LRRTM4: variants seen among roughly 807,000 people sequenced by gnomAD.
LRRTM4 encodes the protein leucine rich repeat transmembrane neuronal 4, also known as leucine-rich repeat transmembrane neuronal protein 4.
In LRRTM4, 25 loss-of-function variants were observed where a neutral mutation model predicts 47.6. That is an observed-to-expected ratio of 0.53 (90% confidence interval 0.38 to 0.73). The LOEUF (loss-of-function observed/expected upper bound fraction) is 0.73. Ranked by LOEUF, LRRTM4 falls within the 30% of genes least tolerant of loss-of-function variation. LRRTM4 has a pLI of 0.00. For synonymous variants in LRRTM4, 311 were observed against 269.5 expected (o/e 1.15, Z -1.51); for missense variants, 638 against 713.4 (o/e 0.89, Z 1.20).
chr2:77,456,999 TG>T (rs1676574504), intron 3 of LRRTM4, among the ~76,000 whole-genome samples: 4 of 36,994 alleles, frequency 1.1e-4, no homozygotes, highest in African/African-American at 4.7e-4. Flanking sequence ...TGTATGTGTG[TG>T]TGTGTATATA....
At chr2:77,116,819 T>C (rs1671400477) in intron 3 of LRRTM4, among the ~76,000 whole-genome samples, 1 of 152,154 alleles carries the variant, frequency 6.6e-6, no homozygotes, top group Non-Finnish European at 1.5e-5. Context: ...ACATATATAA[T>C]TTGTCCATTT....
At chr2:77,267,382 G>A (rs1299548335) in intron 3 of LRRTM4, among the ~76,000 whole-genome samples, 1 of 152,116 alleles carries the variant, frequency 6.6e-6, no homozygotes, top group Non-Finnish European at 1.5e-5. Flanking sequence ...GTTAGGTCTT[G>A]GTCTTTGCTT....
At chr2:77,448,799 C>T (rs367906933) in intron 3 of LRRTM4, among the ~76,000 whole-genome samples, 36 of 152,052 alleles carry the variant, frequency 2.4e-4, no homozygotes, top group African/African-American at 7.0e-4. Flanking sequence ...ATTGTTTCCG[C>T]GTGTACCTAA....
chr2:77,162,051 G>T (rs1013692223), intron 3 of LRRTM4, among the ~76,000 whole-genome samples: 1 of 151,828 alleles, frequency 6.6e-6, no homozygotes, highest in Non-Finnish European at 1.5e-5. Context: ...AGCCCACAGA[G>T]CGGGAATTCC....
At chr2:76,894,199 T>C (rs983507936) in intron 3 of LRRTM4, among the ~76,000 whole-genome samples, 3 of 151,988 alleles carry the variant, frequency 2.0e-5, no homozygotes, top group African/African-American at 7.2e-5. Flanking sequence ...ATGCAGTAGT[T>C]TCCCTCAGAA....
At chr2:77,350,410 G>T (rs947784034) in intron 3 of LRRTM4, among the ~76,000 whole-genome samples, 1 of 136,238 alleles carries the variant, frequency 7.3e-6, no homozygotes, top group Non-Finnish European at 1.6e-5. Flanking sequence ...AGAAAAAATT[G>T]ATAAAAATTA....
intron 3 of LRRTM4, among the ~76,000 whole-genome samples, chr2:76,776,581 C>T (rs960904904): frequency 7.9e-5 from 12 of 152,304 alleles, no homozygotes; most frequent in Admixed American, 2.0e-4. Context: ...TGTTCATGAC[C>T]TTTGCCCACT....
At chr2:77,361,644 A>G (rs1257364371) in intron 3 of LRRTM4, among the ~76,000 whole-genome samples, 1 of 152,232 alleles carries the variant, frequency 6.6e-6, no homozygotes, top group East Asian at 1.9e-4. Context: ...TGCCTGGTAT[A>G]AACTAGCTAT....
intron 2 of LRRTM4, 144 bp from the exon 3 acceptor site, chr2:77,520,008 T>G: frequency 7.4e-7 from 1 of 1,353,226 alleles, no homozygotes; most frequent in Non-Finnish European, 9.7e-7. Context: ...TCGAGCATTA[T>G]TTTCTTCAGT....
At chr2:77,403,623 C>T (rs1463989205) in intron 3 of LRRTM4, among the ~76,000 whole-genome samples, 1 of 151,820 alleles carries the variant, frequency 6.6e-6, no homozygotes, top group Non-Finnish European at 1.5e-5. Flanking sequence ...TTTCTAACTT[C>T]TCAGCATTGG....
At position 77,518,529 on chromosome 2, in the gene LRRTM4, C is replaced by T. The variant is rs1322555549; in HGVS notation, c.1340G>A (p.Trp447Ter). Reference sequence around the variant, plus strand: ...TTTCATGCTGGCTGGGTAGCGTTTCCAAGACACATAGATCACCAAGAGGAT... The same window carrying T: ...TTTCATGCTGGCTGGGTAGCGTTTCTAAGACACATAGATCACCAAGAGGAT... ...AMILLVIYVS[W>*]KRYPASMKQL... The change falls in exon 3 of 4, where the codon TGG becomes TAG. Residue 447 changes from tryptophan to a stop codon, truncating the protein, a stop_gained. Coordinates refer to ENST00000409884, the MANE Select transcript of LRRTM4 (RefSeq NM_001134745.3). LOFTEE classifies it high-confidence loss of function. 6.2e-7 allele frequency: 1 copy of T among 1,613,302 alleles called. No homozygotes were observed. The highest frequency in any genetic ancestry group is 1.7e-5 in the Admixed American group (1 of 59,864).
At chr2:77,360,326 A>G (rs888579291) in intron 3 of LRRTM4, among the ~76,000 whole-genome samples, 2 of 151,964 alleles carry the variant, frequency 1.3e-5, no homozygotes, top group Admixed American at 6.6e-5. Context: ...GCGTGGTGGC[A>G]GGTGCCTGTT....
At chr2:77,128,010 G>A (rs1671693614) in intron 3 of LRRTM4, among the ~76,000 whole-genome samples, 1 of 152,088 alleles carries the variant, frequency 6.6e-6, no homozygotes, top group Non-Finnish European at 1.5e-5. Context: ...AGGCGTAGTG[G>A]CGCACGCCTG....
intron 3 of LRRTM4, among the ~76,000 whole-genome samples, chr2:76,804,663 A>G (rs1675873491): frequency 6.8e-6 from 1 of 147,876 alleles, no homozygotes; most frequent in South Asian, 2.1e-4. Context: ...GTAAATATAT[A>G]GTATAAAAAA....
intron 3 of LRRTM4, among the ~76,000 whole-genome samples, chr2:77,117,321 T>A (rs1671414372): frequency 4.6e-5 from 7 of 152,098 alleles, no homozygotes; most frequent in South Asian, 4.1e-4. Flanking sequence ...TAGCAAAAAG[T>A]CACAGGATTT....
At chr2:77,081,808 A>G (rs990507879) in intron 3 of LRRTM4, among the ~76,000 whole-genome samples, 2 of 152,208 alleles carry the variant, frequency 1.3e-5, no homozygotes, top group Non-Finnish European at 1.5e-5. Context: ...TGCTGAGTCA[A>G]CTAAATATCC....
intron 3 of LRRTM4, among the ~76,000 whole-genome samples, chr2:76,880,317 C>T (rs1672894318): frequency 6.6e-6 from 1 of 152,182 alleles, no homozygotes; most frequent in Non-Finnish European, 1.5e-5. Flanking sequence ...GCAACCACCA[C>T]TCTAATTAGT....
intron 3 of LRRTM4, among the ~76,000 whole-genome samples, chr2:76,909,996 G>GTATA: frequency 6.6e-6 from 1 of 152,224 alleles, no homozygotes; most frequent in Admixed American, 6.5e-5. Context: ...CCATTACTGC[G>GTATA]TATATACCCA....
chr2:77,227,782 T>C (rs146423950), intron 3 of LRRTM4, among the ~76,000 whole-genome samples: 9 of 152,218 alleles, frequency 5.9e-5, no homozygotes, highest in East Asian at 3.9e-4. Context: ...ATAACTGTTA[T>C]CTTTTTAAAA....
Sources: gnomAD v4.1 joint callset for allele counts (sites outside exome capture counted in the v4.1 genomes callset) on GRCh38, gnomAD v4.1.1 for gene constraint, MANE v1.5 for transcripts, NCBI Gene and HGNC (gene_info 2026-07-23, HGNC 2026-07-21) for gene names.